The following SYNE2 variants were observed in gnomAD, a reference collection of about 807,000 sequenced individuals.
SYNE2 encodes nesprin-2.
SYNE2 carries 431 observed loss-of-function variants against 856.3 expected under a neutral mutation model. The observed-to-expected ratio is 0.50, with a 90% CI of 0.47 to 0.55. SYNE2 has a LOEUF of 0.55. Among genes scored for constraint, SYNE2 ranks in the 20% least tolerant of loss-of-function variants. SYNE2 has a pLI of 0.00. For synonymous variants in SYNE2, 2,923 were observed against 2,872.3 expected, an observed-to-expected ratio of 1.02 and a Z score of -0.56; for missense variants, 8,129 against 8,023.2, an observed-to-expected ratio of 1.01 and a Z score of -0.50.
At chr14:63,932,580 T>C (rs908662460) in intron 2 of SYNE2, among the ~76,000 whole-genome samples, 1 of 152,090 alleles carries the variant, frequency 6.6e-6, no homozygotes, top group African/African-American at 2.4e-5. Flanking sequence ...GGCACACACC[T>C]GTAGTCCCAG....
Position 64,173,863 on chromosome 14 carries a change from T to G in SYNE2, c.17236-1081T>G, listed in dbSNP as rs187592473. On this transcript the variant is annotated intron_variant, in intron 94 of 115. Coordinates refer to ENST00000555002, the MANE Select transcript of SYNE2 (RefSeq NM_182914.3). ...CAATTTTAAAGTTTTTACTTTATTT[T>G]TGTATTATAAATACCTAGTTTCAAT... 466 of 644,276 alleles carry G rather than the reference T, an allele frequency of 7.2e-4. 8 individuals carry two copies. The East Asian group carries it at 0.013, about 18-fold the overall frequency. The allele number at this position is 644,276 out of a possible 1,614,324, so 39.9% of individuals were successfully genotyped here.
chr14:64,080,704 A>T, intron 56 of SYNE2, 66 bp downstream of exon 56: 1 of 1,575,682 alleles, frequency 6.3e-7, no homozygotes, highest in Non-Finnish European at 8.7e-7. Context: ...AAAGCAAAAC[A>T]ATATATTCAG....
chr14:64,115,081 C>T (rs2097843884), intron 66 of SYNE2, among the ~76,000 whole-genome samples: 1 of 152,210 alleles, frequency 6.6e-6, no homozygotes, highest in Admixed American at 6.5e-5. Flanking sequence ...TTGAGTCCCA[C>T]CCACTTAAGG....
intron 23 of SYNE2, 22 bp from the exon 24 acceptor site, chr14:63,996,925 C>T: frequency 6.2e-7 from 1 of 1,609,206 alleles, no homozygotes; most frequent in South Asian, 1.1e-5. Context: ...AAGCACATTT[C>T]CTGCTTTATT....
intron 1 of SYNE2, among the ~76,000 whole-genome samples, chr14:63,830,845 T>TTC (rs1889640798): frequency 6.9e-6 from 1 of 144,874 alleles, no homozygotes. Context: ...CCATTCTTTT[T>TTC]TTTTTTTTTT....
chr14:63,777,724 A>G (rs1468319190), intron 1 of SYNE2, among the ~76,000 whole-genome samples: 1 of 152,218 alleles, frequency 6.6e-6, no homozygotes, highest in African/African-American at 2.4e-5. Flanking sequence ...GCTGGAGTGC[A>G]GTGGCTCAAT....
intron 59 of SYNE2, among the ~76,000 whole-genome samples, chr14:64,090,065 A>G (rs574326875): frequency 1.3e-5 from 2 of 152,302 alleles, no homozygotes; most frequent in Admixed American, 6.5e-5. Flanking sequence ...ACATTGGCCA[A>G]TTGTAATGTA....
chr14:64,202,989 G>T, intron 100 of SYNE2, 26 bp downstream of exon 100: 1 of 1,613,296 alleles, frequency 6.2e-7, no homozygotes. Flanking sequence ...ATGAGCTCTT[G>T]CAAGAGTACG....
intron 6 of SYNE2, among the ~76,000 whole-genome samples, chr14:63,942,993 A>G (rs1339344618): frequency 2.0e-5 from 3 of 152,212 alleles, no homozygotes; most frequent in Non-Finnish European, 2.9e-5. Flanking sequence ...ATTATCCATA[A>G]TATCAGCACC....
rs79566364 is a variant in SYNE2 at position 64,104,769 on chromosome 14, G to A, written c.12493-2722G>A. ...CCCGGCCTCTCTGTTTTCTTTCAGGGCAATTTTATTTCCTCTGAGAGCTTG... is the reference window on the plus strand; with the variant it reads ...CCCGGCCTCTCTGTTTTCTTTCAGGACAATTTTATTTCCTCTGAGAGCTTG... On this transcript the variant is annotated intron_variant, in intron 64 of 115. Transcript: ENST00000555002. Among the ~76,000 whole-genome samples the A allele has an allele frequency of 5.2e-3, 794 of 152,148 alleles. 4 individuals carry two copies. The highest frequency in any genetic ancestry group is 0.018 in the African/African-American group (734 of 41,508).
At chr14:64,088,487 G>A (rs1412708691) in intron 58 of SYNE2, among the ~76,000 whole-genome samples, 1 of 152,112 alleles carries the variant, frequency 6.6e-6, no homozygotes, top group African/African-American at 2.4e-5. Context: ...GGCTGGGCGT[G>A]GTGCCCAGCA....
At chr14:63,883,517 C>A (rs2094913561) in intron 1 of SYNE2, among the ~76,000 whole-genome samples, 1 of 89,116 alleles carries the variant, frequency 1.1e-5, no homozygotes, top group Non-Finnish European at 2.5e-5. Flanking sequence ...GCCTGGCTAA[C>A]TTTTTTTGGT....
chr14:63,971,549 A>G (rs2153458934), intron 11 of SYNE2, among the ~76,000 whole-genome samples: 1 of 151,328 alleles, frequency 6.6e-6, no homozygotes, highest in Middle Eastern at 3.5e-3. Context: ...CATGTAATGT[A>G]TGTCTTAAAA....
At chr14:64,156,761 C>T (rs2098289740) in intron 85 of SYNE2, among the ~76,000 whole-genome samples, 1 of 152,116 alleles carries the variant, frequency 6.6e-6, no homozygotes, top group African/African-American at 2.4e-5. Context: ...ACCTGGCCGC[C>T]TTCTTTATTT....
intron 96 of SYNE2, 126 bp from the exon 97 acceptor site, chr14:64,186,298 G>A: frequency 8.0e-7 from 1 of 1,255,612 alleles, no homozygotes; most frequent in Admixed American, 1.7e-5. Flanking sequence ...TTCCCATTCA[G>A]AAGGTCCCTC....
At chr14:63,947,962 C>T (rs4476102) in intron 6 of SYNE2, among the ~76,000 whole-genome samples, 29,509 of 152,140 alleles carry the variant, frequency 0.19, 3,269 homozygotes, top group African/African-American at 0.31. Context: ...TTTGTTTCAT[C>T]ACTTCTCTTT....
At position 64,167,314 on chromosome 14, in the gene SYNE2, G is replaced by T; in HGVS notation, c.16687G>T (p.Val5563Leu). 1 of 1,614,210 alleles carries T rather than the reference G, an allele frequency of 6.2e-7. No individual in the cohort carries two copies. The highest frequency in any genetic ancestry group is 8.5e-7 in the Non-Finnish European group (1 of 1,180,032). Residue 5563 changes from valine to leucine, a missense_variant, in exon 91 of 116, where the codon GTA becomes TTA. Val to Leu is a conservative substitution (Grantham distance 32). Coordinates refer to ENST00000555002, the MANE Select transcript of SYNE2 (RefSeq NM_182914.3). Reference sequence around the variant, plus strand: ...GAGCCTCAAGCTCCCACTTAGTGACGTAGCTGTGAAGACGTTACAAAATAT... The same window carrying T: ...GAGCCTCAAGCTCCCACTTAGTGACTTAGCTGTGAAGACGTTACAAAATAT... Reference protein sequence around the residue: ...EVSLKLPLSDVAVKTLQNMNR... With the variant: ...EVSLKLPLSDLAVKTLQNMNR...
intron 1 of SYNE2, among the ~76,000 whole-genome samples, chr14:63,796,017 T>G (rs1346179500): frequency 6.6e-6 from 1 of 152,182 alleles, no homozygotes; most frequent in Admixed American, 6.5e-5. Context: ...CAGAGGAAAT[T>G]GTTAGAATGT....
chr14:63,815,134 A>G (rs1888882806), intron 1 of SYNE2, among the ~76,000 whole-genome samples: 3 of 131,268 alleles, frequency 2.3e-5, no homozygotes, highest in Non-Finnish European at 4.8e-5. Flanking sequence ...CCACATATAT[A>G]TCCATATATA....
Sources: allele counts gnomAD v4.1 joint callset (sites outside exome capture counted in the v4.1 genomes callset), GRCh38; gene constraint gnomAD v4.1.1; transcripts MANE v1.5; gene names NCBI Gene and HGNC (gene_info 2026-07-23, HGNC 2026-07-21).